Variants in SPATA31F3 observed in about 807,000 individuals in gnomAD.
SPATA31F3 encodes the protein SPATA31 subfamily F member 3.
the SPATA31F3 span, chr9:34,895,025 G>A: frequency 6.0e-5 from 24 of 398,376 alleles, no homozygotes; most frequent in Non-Finnish European, 8.8e-6. Context: ...TTAGAGGAGA[G>A]ACTGGGACTT....
chr9:34,891,051 A>G, the SPATA31F3 span, among the ~76,000 whole-genome samples: 2 of 152,210 alleles, frequency 1.3e-5, no homozygotes, highest in Admixed American at 6.5e-5. Context: ...AAAGAGCCAC[A>G]TAATAGAGAG....
chr9:34,890,239 T>C, the SPATA31F3 span, among the ~76,000 whole-genome samples: 1 of 152,242 alleles, frequency 6.6e-6, no homozygotes, highest in Admixed American at 6.5e-5. Context: ...GTGTTCTCTC[T>C]GGCTGGGGAG....
the SPATA31F3 span, chr9:34,893,114 A>T: frequency 1.2e-6 from 1 of 857,956 alleles, no homozygotes; most frequent in Admixed American, 3.1e-5. Flanking sequence ...TGCACACAGG[A>T]TTCGCCGCAC....
At chr9:34,894,341 C>T in the SPATA31F3 span, 6 of 397,446 alleles carry the variant, frequency 1.5e-5, no homozygotes, top group Non-Finnish European at 2.7e-5. Context: ...ATGTCTCCCT[C>T]CCATCCATTT....
chr9:34,895,596 T>C, the SPATA31F3 span: 4 of 398,936 alleles, frequency 1.0e-5, no homozygotes, highest in East Asian at 1.4e-4. Flanking sequence ...CAGCTCCTGT[T>C]AGGTACCAAG....
the SPATA31F3 span, chr9:34,889,779 T>C: frequency 2.5e-6 from 1 of 397,086 alleles, no homozygotes; most frequent in Non-Finnish European, 4.4e-6. Flanking sequence ...CCCTGAAAAC[T>C]TTGGATCTGA....
chr9:34,894,293 G>A, the SPATA31F3 span: 1 of 394,504 alleles, frequency 2.5e-6, no homozygotes, highest in Non-Finnish European at 4.5e-6. Context: ...CCCCTGCCCT[G>A]GTAACTCTCT....
the SPATA31F3 span, among the ~76,000 whole-genome samples, chr9:34,891,386 TTGTAATCTATGTGGCTCTGCAACA>T: frequency 6.6e-6 from 1 of 152,192 alleles, no homozygotes; most frequent in Non-Finnish European, 1.5e-5. Flanking sequence ...CTTCCCATAT[TTGTAATCTATGTGGCTCTGCAACA>T]TTACCTTGGC....
At chr9:34,890,299 T>A in the SPATA31F3 span, among the ~76,000 whole-genome samples, 1 of 152,194 alleles carries the variant, frequency 6.6e-6, no homozygotes, top group Non-Finnish European at 1.5e-5. Flanking sequence ...CCAGCTGCTT[T>A]GAATGTCATC....
At chr9:34,890,620 T>C in the SPATA31F3 span, among the ~76,000 whole-genome samples, 1 of 152,230 alleles carries the variant, frequency 6.6e-6, no homozygotes, top group East Asian at 1.9e-4. Flanking sequence ...TGGTGGGATA[T>C]GAAGTTTCTG....
At chr9:34,894,997 A>C in the SPATA31F3 span, 1 of 398,444 alleles carries the variant, frequency 2.5e-6, no homozygotes. Context: ...TGGGAACCTC[A>C]CTCACAGCAG....
At chr9:34,893,271 C>G in the SPATA31F3 span, 2 of 418,422 alleles carry the variant, frequency 4.8e-6, no homozygotes, top group South Asian at 1.0e-4. Context: ...CCTACACTCT[C>G]TTGTTGTCTA....
the SPATA31F3 span, chr9:34,893,083 G>T: frequency 1.1e-6 from 1 of 938,106 alleles, no homozygotes; most frequent in East Asian, 2.6e-5. Flanking sequence ...CCATAACATT[G>T]CAGATTTGGC....
At chr9:34,895,320 T>TTAGGATGAGA in the SPATA31F3 span, among the ~76,000 whole-genome samples, 1 of 152,168 alleles carries the variant, frequency 6.6e-6, no homozygotes, top group Admixed American at 6.5e-5. Flanking sequence ...TTTCATAAGT[T>TTAGGATGAGA]CGGTGGGGAC....
chr9:34,889,394 G>A, the SPATA31F3 span: 7 of 398,608 alleles, frequency 1.8e-5, no homozygotes, highest in East Asian at 2.1e-4. Context: ...AGAAGATCAG[G>A]CCTTCCTCCT....
the SPATA31F3 span, among the ~76,000 whole-genome samples, chr9:34,893,468 G>A: frequency 2.0e-4 from 31 of 152,168 alleles, no homozygotes; most frequent in South Asian, 6.2e-3. Flanking sequence ...AGGCATGGTG[G>A]CGTATGCCTG....
the SPATA31F3 span, among the ~76,000 whole-genome samples, chr9:34,890,142 AG>A: frequency 6.6e-6 from 1 of 151,938 alleles, no homozygotes; most frequent in Non-Finnish European, 1.5e-5. Flanking sequence ...TACCTAAGAA[AG>A]ATCCTGGAGA....
At chr9:34,895,463 G>A in the SPATA31F3 span, 2 of 397,640 alleles carry the variant, frequency 5.0e-6, no homozygotes, top group Non-Finnish European at 8.9e-6. Flanking sequence ...AGCTCTTCTG[G>A]TGTCCAGTGA....
At chr9:34,893,114 A>G in the SPATA31F3 span, 1 of 857,956 alleles carries the variant, frequency 1.2e-6, no homozygotes, top group Non-Finnish European at 1.7e-6. Context: ...TGCACACAGG[A>G]TTCGCCGCAC....
Sources: gnomAD v4.1 joint callset for allele counts (sites outside exome capture counted in the v4.1 genomes callset) on GRCh38, gnomAD v4.1.1 for gene constraint, MANE v1.5 for transcripts, NCBI Gene and HGNC (gene_info 2026-07-23, HGNC 2026-07-21) for gene names.